Variants in USP25 observed in about 807,000 individuals in gnomAD.
USP25 encodes the protein ubiquitin specific peptidase 25.
A neutral mutation model predicts 158.5 loss-of-function variants in USP25; 85 were observed. The observed-to-expected ratio is 0.54, with a 90% CI of 0.45 to 0.64. The LOEUF (loss-of-function observed/expected upper bound fraction) is 0.64. Among genes scored for constraint, USP25 ranks in the 30% least tolerant of loss-of-function variants. USP25 has a pLI of 0.00. For synonymous variants in USP25, 464 were observed against 460.4 expected, an observed-to-expected ratio of 1.01 and a Z score of -0.10; for missense variants, 1,242 against 1,327.3, an observed-to-expected ratio of 0.94 and a Z score of 1.00.
chr21:15,809,137 C>T (rs904941039), intron 8 of USP25, among the ~76,000 whole-genome samples: 8 of 152,028 alleles, frequency 5.3e-5, no homozygotes, highest in African/African-American at 9.7e-5. Flanking sequence ...CTTTTCATGA[C>T]GAGGAATGAA....
intron 18 of USP25, among the ~76,000 whole-genome samples, chr21:15,842,818 TAAAAA>T (rs979344344): frequency 3.3e-5 from 5 of 152,188 alleles, no homozygotes; most frequent in African/African-American, 1.2e-4. Flanking sequence ...ATCTGGAACT[TAAAAA>T]GAGAAGTGTA....
intron 9 of USP25, among the ~76,000 whole-genome samples, chr21:15,814,077 A>C (rs1453411700): frequency 6.6e-6 from 1 of 150,532 alleles, no homozygotes; most frequent in Non-Finnish European, 1.5e-5. Context: ...TATTAAAGGC[A>C]CTTCTTCCAT....
intron 17 of USP25, among the ~76,000 whole-genome samples, chr21:15,837,520 C>T (rs2146420116): frequency 6.6e-6 from 1 of 152,320 alleles, no homozygotes; most frequent in South Asian, 2.1e-4. Context: ...GGATCTGATA[C>T]AGTGCTATCT....
chr21:15,816,611 CT>C lies in USP25; in HGVS notation c.932-2085del, dbSNP rs1005759323. Among the ~76,000 whole-genome samples, 5 of 152,108 alleles carry C rather than the reference CT, an allele frequency of 3.3e-5. No homozygotes were observed. The highest frequency in any genetic ancestry group is 1.2e-4 in the African/African-American group (5 of 41,410). On this transcript the variant is annotated intron_variant, in intron 9 of 25. Transcript: ENST00000400183. The surrounding 1 kb of genome is among the most constrained non-coding windows in gnomAD (Gnocchi z 4.0). Reference sequence around the variant, plus strand: ...AGGACTTTGTTTAGGCCCATTTCTTCTTCCTGTCCCATCCCCTAGGCATCTC... The same window carrying C: ...AGGACTTTGTTTAGGCCCATTTCTTCTCCTGTCCCATCCCCTAGGCATCTC...
chr21:15,804,514 C>T lies in USP25; in HGVS notation c.643-607C>T, dbSNP rs141263427. On this transcript the variant is annotated intron_variant, in intron 6 of 25. Coordinates refer to ENST00000400183, the MANE Select transcript of USP25 (RefSeq NM_001283041.3). Reference sequence around the variant, plus strand: ...AAATATAAAAACAAATATTAAATTTCTAATAATCGGGTGAGGTTCTAATAT... The same window carrying T: ...AAATATAAAAACAAATATTAAATTTTTAATAATCGGGTGAGGTTCTAATAT... Among the ~76,000 whole-genome samples the T allele has an allele frequency of 2.6e-3, 387 of 151,578 alleles. 5 individuals are homozygous for T. The highest frequency in any genetic ancestry group is 0.01 in the Middle Eastern group (3 of 292).
At chr21:15,877,688 T>TA in intron 24 of USP25, 108 bp from the exon 25 acceptor site, 1 of 790,458 alleles carries the variant, frequency 1.3e-6, no homozygotes, top group Non-Finnish European at 2.0e-6. Flanking sequence ...TTTGTTCTAA[T>TA]ACTGTTTGTG....
At chr21:15,764,251 C>T (rs550009144) in intron 2 of USP25, among the ~76,000 whole-genome samples, 8 of 150,672 alleles carry the variant, frequency 5.3e-5, no homozygotes, top group Non-Finnish European at 8.9e-5. Flanking sequence ...CTGCCTTTTT[C>T]ATTATGTATT....
chr21:15,824,393 A>C (rs1363590126), intron 11 of USP25, among the ~76,000 whole-genome samples: 1 of 152,218 alleles, frequency 6.6e-6, no homozygotes, highest in Non-Finnish European at 1.5e-5. Flanking sequence ...TGTAATCTTA[A>C]AATTCAGAAT....
At chr21:15,756,302 A>G (rs1160919915) in intron 1 of USP25, among the ~76,000 whole-genome samples, 1 of 152,154 alleles carries the variant, frequency 6.6e-6, no homozygotes, top group Non-Finnish European at 1.5e-5. Context: ...TGGAAGGGAA[A>G]ACGGGGAGGC....
intron 23 of USP25, among the ~76,000 whole-genome samples, chr21:15,873,202 C>G (rs1307780566): frequency 6.6e-6 from 1 of 151,998 alleles, no homozygotes; most frequent in Admixed American, 6.6e-5. Flanking sequence ...CTCTTACCTT[C>G]TCAGCTCAAG....
chr21:15,770,302 A>G (rs1262384377), intron 3 of USP25, among the ~76,000 whole-genome samples: 11 of 152,178 alleles, frequency 7.2e-5, no homozygotes, highest in Non-Finnish European at 1.5e-5. Context: ...GAGATGCTAA[A>G]TGGTGTGAAA....
chr21:15,800,727 CT>C (rs1480683080), intron 6 of USP25, among the ~76,000 whole-genome samples: 3 of 151,464 alleles, frequency 2.0e-5, no homozygotes, highest in Non-Finnish European at 4.4e-5. Flanking sequence ...TTTCAGTAAA[CT>C]GCTGAACTTT....
At chr21:15,801,201 A>C (rs2036117358) in intron 6 of USP25, among the ~76,000 whole-genome samples, 1 of 151,518 alleles carries the variant, frequency 6.6e-6, no homozygotes, top group Admixed American at 6.6e-5. Flanking sequence ...CCTGGATTTT[A>C]ATGTTTTACA....
intron 1 of USP25, among the ~76,000 whole-genome samples, chr21:15,750,874 T>G (rs2032961695): frequency 2.7e-5 from 4 of 150,622 alleles, no homozygotes; most frequent in African/African-American, 1.0e-4. Context: ...CGCCTCCGCC[T>G]CCCAAAGTGC....
chr21:15,846,158 A>ATATTT (rs1325255884), intron 18 of USP25, among the ~76,000 whole-genome samples: 3 of 23,952 alleles, frequency 1.3e-4, no homozygotes, highest in East Asian at 1.5e-3. Context: ...ATATATATAT[A>ATATTT]TTTTTTTTTT....
At chr21:15,814,432 G>A (rs1347448732) in intron 9 of USP25, among the ~76,000 whole-genome samples, 1 of 152,228 alleles carries the variant, frequency 6.6e-6, no homozygotes, top group East Asian at 2.0e-4. Flanking sequence ...GGTTGGAACA[G>A]TTTGAAGGGC....
intron 3 of USP25, among the ~76,000 whole-genome samples, chr21:15,769,542 A>G (rs1182039369): frequency 6.6e-6 from 1 of 152,124 alleles, no homozygotes; most frequent in African/African-American, 2.4e-5. Flanking sequence ...AATTGAGAAT[A>G]AAATTGTTTT....
intron 3 of USP25, among the ~76,000 whole-genome samples, chr21:15,774,833 T>G (rs2034546211): frequency 5.3e-5 from 8 of 152,212 alleles, no homozygotes; most frequent in Admixed American, 4.6e-4. Flanking sequence ...ATTATGCAAC[T>G]TGGTGCTGCT....
intron 7 of USP25, among the ~76,000 whole-genome samples, chr21:15,806,451 C>G (rs1380238950): frequency 7.5e-6 from 1 of 133,580 alleles, no homozygotes. Context: ...TCTTTCTTTT[C>G]TAGAGATTCA....
Sources: gnomAD v4.1 joint callset for allele counts (sites outside exome capture counted in the v4.1 genomes callset) on GRCh38, gnomAD v4.1.1 for gene constraint, Gnocchi (gnomAD v3.1) non-coding constraint, MANE v1.5 for transcripts, NCBI Gene and HGNC (gene_info 2026-07-23, HGNC 2026-07-21) for gene names.